ZBTB20: variants seen among roughly 807,000 people sequenced by gnomAD.
ZBTB20 encodes zinc finger and BTB domain-containing protein 20.
A neutral mutation model predicts 56.9 loss-of-function variants in ZBTB20; 9 were observed. The observed-to-expected ratio is 0.16, with a 90% CI of 0.10 to 0.28. ZBTB20 has a LOEUF of 0.28. Among genes scored for constraint, ZBTB20 ranks in the 10% least tolerant of loss-of-function variants. ZBTB20 has a pLI of 1.00. For synonymous variants in ZBTB20, 417 were observed against 420.7 expected (o/e 0.99, Z 0.11); for missense variants, 655 against 1,003.0 (o/e 0.65, Z 4.69).
At chr3:115,121,723 T>C (rs2084186531) in intron 1 of ZBTB20, among the ~76,000 whole-genome samples, 1 of 152,044 alleles carries the variant, frequency 6.6e-6, no homozygotes, top group Admixed American at 6.6e-5. Context: ...TCAAGGAACA[T>C]AATGATTAAT....
At chr3:114,479,863 C>T (rs945523096) in intron 7 of ZBTB20, among the ~76,000 whole-genome samples, 3 of 152,202 alleles carry the variant, frequency 2.0e-5, no homozygotes, top group African/African-American at 7.2e-5. Flanking sequence ...TTGTGAGATA[C>T]TCTCAGCTAA....
intron 3 of ZBTB20, among the ~76,000 whole-genome samples, chr3:114,924,368 A>G (rs1199242735): frequency 6.6e-6 from 1 of 152,212 alleles, no homozygotes; most frequent in Non-Finnish European, 1.5e-5. Context: ...TACACAATGA[A>G]ATATTATTTT....
At chr3:114,627,045 A>G (rs1461906283) in intron 6 of ZBTB20, among the ~76,000 whole-genome samples, 1 of 152,158 alleles carries the variant, frequency 6.6e-6, no homozygotes, top group South Asian at 2.1e-4. Context: ...GTGGCAGGGA[A>G]TATTTTACTA....
At chr3:114,572,372 C>T (rs1338338241) in intron 6 of ZBTB20, among the ~76,000 whole-genome samples, 2 of 152,220 alleles carry the variant, frequency 1.3e-5, no homozygotes. Flanking sequence ...TAGATTATTT[C>T]ATAGAGACTT....
At chr3:114,930,854 A>G in intron 3 of ZBTB20, 3 of 277,694 alleles carry the variant, frequency 1.1e-5, no homozygotes, top group Non-Finnish European at 1.5e-5. Flanking sequence ...GCAGCAGAAA[A>G]GGGTGGGGAG....
chr3:115,123,487 A>T (rs1442458171), intron 1 of ZBTB20, among the ~76,000 whole-genome samples: 1 of 152,218 alleles, frequency 6.6e-6, no homozygotes, highest in Non-Finnish European at 1.5e-5. Flanking sequence ...GAGGCAGATT[A>T]AACTGTCAAA....
intron 6 of ZBTB20, among the ~76,000 whole-genome samples, chr3:114,612,705 G>A (rs2107700023): frequency 6.6e-6 from 1 of 152,188 alleles, no homozygotes; most frequent in African/African-American, 2.4e-5. Flanking sequence ...CATTAATTAA[G>A]CTTTGGATGT....
intron 7 of ZBTB20, among the ~76,000 whole-genome samples, chr3:114,474,409 C>T (rs538453897): frequency 1.1e-4 from 16 of 152,180 alleles, no homozygotes; most frequent in Non-Finnish European, 2.2e-4. Context: ...TAAGAACAAA[C>T]AAAGTGAAAA....
At position 114,471,253 on chromosome 3, in the gene ZBTB20, T is replaced by A. The variant is rs1378518813; in HGVS notation, c.-255+29099A>T. Among the ~76,000 whole-genome samples, 5 of 152,308 alleles carry A rather than the reference T, an allele frequency of 3.3e-5. No homozygotes were observed. In the South Asian group the frequency reaches 6.2e-4, roughly 19 times the overall value. The stretch of plus-strand genomic sequence containing the variant: ...CTTAATATTCTTCATCCTATCTATA[T>A]ATCATATTTAATTTTTACACTACTC... On this transcript the variant is annotated intron_variant, in intron 7 of 11. Coordinates refer to ENST00000675478, the MANE Select transcript of ZBTB20 (RefSeq NM_001348800.3).
intron 4 of ZBTB20, among the ~76,000 whole-genome samples, chr3:114,807,782 G>A (rs1211619098): frequency 1.3e-5 from 2 of 151,952 alleles, no homozygotes; most frequent in African/African-American, 2.4e-5. Context: ...CTATTAATAT[G>A]CTATATTGCA....
At chr3:114,395,570 C>T (rs1461651325) in intron 7 of ZBTB20, among the ~76,000 whole-genome samples, 1 of 152,170 alleles carries the variant, frequency 6.6e-6, no homozygotes, top group African/African-American at 2.4e-5. Context: ...ATTCCCAAGT[C>T]TACGTCACCA....
At chr3:115,037,486 C>T (rs571587383) in intron 2 of ZBTB20, among the ~76,000 whole-genome samples, 1 of 152,122 alleles carries the variant, frequency 6.6e-6, no homozygotes, top group Non-Finnish European at 1.5e-5. Flanking sequence ...GGTTTCAAAA[C>T]GTTGGCCAGG....
At chr3:114,762,676 C>T (rs2068521386) in intron 5 of ZBTB20, among the ~76,000 whole-genome samples, 2 of 152,160 alleles carry the variant, frequency 1.3e-5, no homozygotes. Flanking sequence ...AGTTAATGAG[C>T]ATCCGTCTGA....
intron 3 of ZBTB20, among the ~76,000 whole-genome samples, chr3:114,934,964 T>C (rs1176960919): frequency 6.6e-6 from 1 of 152,198 alleles, no homozygotes; most frequent in Non-Finnish European, 1.5e-5. Flanking sequence ...GAATGTAAAA[T>C]AGCTTTCTGT....
intron 5 of ZBTB20, among the ~76,000 whole-genome samples, chr3:114,702,437 T>C (rs1182060219): frequency 6.6e-6 from 1 of 151,924 alleles, no homozygotes; most frequent in Non-Finnish European, 1.5e-5. Flanking sequence ...TCTATGTGCA[T>C]ATAAACCTAT....
rs1393294846 is a variant in ZBTB20 at position 115,105,390 on chromosome 3, T to C, written c.-702-33976A>G. On this transcript the variant is annotated intron_variant, in intron 1 of 11. Transcript: ENST00000675478. ...CATAGCATAATAATAATGATAGGAT[T>C]TGAACCCAGCCTGTCTAGCTTAGAG... 2.0e-5 allele frequency among the ~76,000 whole-genome samples: 3 copies of C among 152,180 alleles called. No individual in the cohort carries two copies. In the East Asian group the frequency reaches 5.8e-4, roughly 29 times the overall value.
intron 8 of ZBTB20, among the ~76,000 whole-genome samples, chr3:114,381,712 G>A (rs1012553284): frequency 2.6e-5 from 4 of 152,216 alleles, no homozygotes; most frequent in African/African-American, 4.8e-5. Flanking sequence ...GTTGTGCTGG[G>A]TAGTTAAATC....
intron 7 of ZBTB20, among the ~76,000 whole-genome samples, chr3:114,429,500 C>A (rs1263050747): frequency 6.6e-6 from 1 of 152,096 alleles, no homozygotes; most frequent in African/African-American, 2.4e-5. Context: ...CTCGGTAGCT[C>A]AGAAACAGAG....
At chr3:114,787,257 C>T (rs1397918377) in intron 5 of ZBTB20, among the ~76,000 whole-genome samples, 1 of 150,190 alleles carries the variant, frequency 6.7e-6, no homozygotes, top group Non-Finnish European at 1.5e-5. Flanking sequence ...GAACTCCAGG[C>T]ATGAGCTAAC....
Sources: gnomAD v4.1 joint callset for allele counts (sites outside exome capture counted in the v4.1 genomes callset) on GRCh38, gnomAD v4.1.1 for gene constraint, MANE v1.5 for transcripts, NCBI Gene and HGNC (gene_info 2026-07-23, HGNC 2026-07-21) for gene names.